TMIGD3: variants seen among roughly 807,000 people sequenced by gnomAD.
The protein encoded by TMIGD3 is transmembrane and immunoglobulin domain containing 3.
In TMIGD3, 21 loss-of-function variants were observed where a neutral mutation model predicts 28.1. The ratio of observed to expected loss-of-function variants is 0.75; its 90% confidence interval spans 0.53 to 1.08. The LOEUF (loss-of-function observed/expected upper bound fraction) is 1.08. Among genes scored for constraint, TMIGD3 ranks in the 50% least tolerant of loss-of-function variants. TMIGD3 has a pLI of 0.00. For missense variants in TMIGD3, 416 were observed against 435.6 expected, an observed-to-expected ratio of 0.96 and a Z score of 0.40; for synonymous variants, 151 against 162.1, an observed-to-expected ratio of 0.93 and a Z score of 0.52.
In TMIGD3 at chr1:111,503,618, C is replaced by A. The variant is rs1655368404; in HGVS notation, c.-264G>T. The A allele has an allele frequency of 7.7e-7, 1 of 1,299,208 alleles. No homozygotes were observed. Among genetic ancestry groups the A allele is most frequent in the Admixed American group, 3.3e-5 (1 of 30,676 alleles). The allele number at this position is 1,299,208 out of a possible 1,614,324, so 80.5% of individuals were successfully genotyped here. A position where few individuals can be genotyped will look rare whatever the true frequency, so the allele number is the denominator to read the frequency against. On this transcript the variant is annotated 5_prime_UTR_variant, in exon 1 of 6. Transcript: ENST00000369716. ...CTCAAGTTTCCAGAATGCTGTAGGA[C>A]AGCTCTATATGGACTGAATCTGAAA...
intron 1 of TMIGD3, among the ~76,000 whole-genome samples, chr1:111,530,068 G>T (rs1361196901): frequency 6.6e-6 from 1 of 151,658 alleles, no homozygotes; most frequent in East Asian, 2.0e-4. Flanking sequence ...TCCCAGTAGG[G>T]GCGGCCGGGC....
chr1:111,549,136 T>C (rs747013732), intron 1 of TMIGD3, among the ~76,000 whole-genome samples: 1 of 152,202 alleles, frequency 6.6e-6, no homozygotes, highest in African/African-American at 2.4e-5. Context: ...GGTCTGTTAT[T>C]TTCTTTTCCC....
chr1:111,498,357 C>T (rs951456940), intron 1 of TMIGD3, among the ~76,000 whole-genome samples: 11 of 152,154 alleles, frequency 7.2e-5, no homozygotes, highest in African/African-American at 2.7e-4. Flanking sequence ...GAGATGACAC[C>T]TTGAATCTCT....
At chr1:111,500,837 G>A (rs1655137655) in intron 1 of TMIGD3, 3 of 509,698 alleles carry the variant, frequency 5.9e-6, no homozygotes, top group South Asian at 4.1e-5. Flanking sequence ...TAAGGAGGAT[G>A]TTGCCTAGAG....
intron 1 of TMIGD3, among the ~76,000 whole-genome samples, chr1:111,552,479 A>G (rs1201633326): frequency 1.3e-5 from 2 of 152,114 alleles, no homozygotes; most frequent in East Asian, 3.9e-4. Flanking sequence ...TTTTTGGCAA[A>G]TTTGTAGTTG....
At chr1:111,495,061 A>T (rs1016427128) in intron 1 of TMIGD3, among the ~76,000 whole-genome samples, 6 of 152,276 alleles carry the variant, frequency 3.9e-5, no homozygotes, top group African/African-American at 1.4e-4. Context: ...AAACTAGCCA[A>T]TACCATTCTG....
chr1:111,526,771 C>T (rs1032209075), intron 1 of TMIGD3, among the ~76,000 whole-genome samples: 5 of 152,042 alleles, frequency 3.3e-5, no homozygotes, highest in African/African-American at 4.8e-5. Context: ...ATGTAACTAC[C>T]GTTATAGAAT....
rs572722221 is a variant in TMIGD3, at chr1:111,490,773, G to A, written c.351-11C>T. 13 of 1,587,760 alleles carry A rather than the reference G, an allele frequency of 8.2e-6. No individual in the cohort carries two copies. Among genetic ancestry groups the A allele is most frequent in the Middle Eastern group, 3.3e-4 (2 of 5,996 alleles). ...CCAGGAATTCTGAATCTGTTTAAGG[G>A]AAACAGATATGCTTGAGCTTAATAT... is the stretch of plus-strand genomic sequence containing the variant. On this transcript the variant is annotated splice_polypyrimidine_tract_variant and intron_variant, in intron 1 of 5. Coordinates refer to ENST00000369716, the MANE Select transcript of TMIGD3 (RefSeq NM_020683.7).
At chr1:111,508,815 C>T (rs1247222809) in intron 1 of TMIGD3, among the ~76,000 whole-genome samples, 1 of 152,160 alleles carries the variant, frequency 6.6e-6, no homozygotes, top group African/African-American at 2.4e-5. Context: ...GATCATACAC[C>T]GCCAGGCGCG....
At chr1:111,542,192 G>A (rs1557842602) in intron 1 of TMIGD3, 1 of 532,738 alleles carries the variant, frequency 1.9e-6, no homozygotes, top group Non-Finnish European at 3.7e-6. Context: ...AAGGAAGATC[G>A]TTTAGACCAG....
intron 1 of TMIGD3, among the ~76,000 whole-genome samples, chr1:111,541,866 T>C (rs1281230806): frequency 6.6e-6 from 1 of 151,808 alleles, no homozygotes; most frequent in Non-Finnish European, 1.5e-5. Context: ...AAACTGCGAG[T>C]GAATGCAATA....
chr1:111,533,554 C>G (rs1288467964), intron 1 of TMIGD3, among the ~76,000 whole-genome samples: 1 of 151,990 alleles, frequency 6.6e-6, no homozygotes, highest in Non-Finnish European at 1.5e-5. Flanking sequence ...TACGGTAGAG[C>G]TTTATTTATT....
intron 1 of TMIGD3, chr1:111,500,089 G>A (rs754410734): frequency 6.2e-7 from 1 of 1,614,200 alleles, no homozygotes; most frequent in Non-Finnish European, 8.5e-7. Flanking sequence ...CATGGAGTTG[G>A]CATGGGACAG....
At chr1:111,539,785 A>G (rs1479070612) in intron 1 of TMIGD3, among the ~76,000 whole-genome samples, 1 of 152,168 alleles carries the variant, frequency 6.6e-6, no homozygotes, top group Non-Finnish European at 1.5e-5. Flanking sequence ...CCAGCCATAG[A>G]AAGGGGATGG....
intron 1 of TMIGD3, among the ~76,000 whole-genome samples, chr1:111,539,878 A>G (rs1571448265): frequency 6.6e-6 from 1 of 152,200 alleles, no homozygotes; most frequent in East Asian, 1.9e-4. Flanking sequence ...AGCCTTAACT[A>G]GCTAGCTCTC....
chr1:111,510,965 C>T (rs1031987937), intron 1 of TMIGD3, among the ~76,000 whole-genome samples: 26 of 152,248 alleles, frequency 1.7e-4, no homozygotes, highest in African/African-American at 4.1e-4. Context: ...ACAGCACTCA[C>T]GGGCACCCAC....
chr1:111,485,153 T>G (rs1433058860), intron 5 of TMIGD3, among the ~76,000 whole-genome samples: 1 of 152,108 alleles, frequency 6.6e-6, no homozygotes, highest in Non-Finnish European at 1.5e-5. Flanking sequence ...ATCGAGCAAC[T>G]GCACTCCAGC....
At chr1:111,560,835 T>A (rs1657709745) in intron 1 of TMIGD3, among the ~76,000 whole-genome samples, 1 of 152,122 alleles carries the variant, frequency 6.6e-6, no homozygotes, top group South Asian at 2.1e-4. Flanking sequence ...GGAAAATGTA[T>A]CCAGCCAATT....
intron 1 of TMIGD3, among the ~76,000 whole-genome samples, chr1:111,518,933 T>G (rs909546812): frequency 1.3e-5 from 2 of 152,094 alleles, no homozygotes; most frequent in Non-Finnish European, 2.9e-5. Context: ...GTTTGTTTGT[T>G]TGTTTGTTTG....
Sources: allele counts gnomAD v4.1 joint callset (sites outside exome capture counted in the v4.1 genomes callset), GRCh38; gene constraint gnomAD v4.1.1; transcripts MANE v1.5; gene names NCBI Gene and HGNC (gene_info 2026-07-23, HGNC 2026-07-21).